Variants in SAMSN1 observed in about 807,000 individuals in gnomAD.
SAMSN1 encodes SAM domain-containing protein SAMSN-1.
SAMSN1 carries 31 observed loss-of-function variants against 42.0 expected under a neutral mutation model. The ratio of observed to expected loss-of-function variants is 0.74; its 90% CI spans 0.55 to 1.00. The LOEUF is 1.00. Ranked by LOEUF, SAMSN1 falls within the 50% of genes least tolerant of loss-of-function variation. SAMSN1 has a pLI of 0.00. For synonymous variants in SAMSN1, 178 were observed against 151.9 expected (o/e 1.17, Z -1.26); for missense variants, 464 against 439.4 (o/e 1.06, Z -0.50).
intron 5 of SAMSN1, among the ~76,000 whole-genome samples, chr21:14,606,703 C>CATT (rs1373425057): frequency 6.6e-6 from 1 of 152,128 alleles, no homozygotes; most frequent in Non-Finnish European, 1.5e-5. Context: ...ATTTATTCTA[C>CATT]ATTATTTTAC....
intron 5 of SAMSN1, among the ~76,000 whole-genome samples, chr21:14,506,947 T>A (rs964281063): frequency 3.9e-5 from 6 of 152,190 alleles, no homozygotes; most frequent in African/African-American, 1.4e-4. Context: ...AAAAATCACA[T>A]GATCATCTCA....
In SAMSN1 at chr21:14,493,079, G is replaced by A. The variant is rs543841357; in HGVS notation, c.919+5363C>T. On this transcript the variant is annotated intron_variant, in intron 7 of 7. Coordinates refer to ENST00000400566, the MANE Select transcript of SAMSN1 (RefSeq NM_022136.5). ...CTGACAGCTCGTGTTCCAGGCTCCTGGCTGCGGCCCGCCATTTGCCCTGCA... is the reference window on the plus strand; with the variant it reads ...CTGACAGCTCGTGTTCCAGGCTCCTAGCTGCGGCCCGCCATTTGCCCTGCA... Among the ~76,000 whole-genome samples the A allele has an allele frequency of 3.9e-5, 6 of 152,306 alleles. No individual in the cohort carries two copies. In the South Asian group the frequency reaches 1.2e-3, roughly 32 times the overall value.
chr21:14,601,946 A>C (rs1982444005), intron 6 of SAMSN1: 1 of 537,706 alleles, frequency 1.9e-6, no homozygotes, highest in Non-Finnish European at 3.5e-6. Flanking sequence ...AGTATTGTAC[A>C]CTATGCCTAA....
chr21:14,507,278 T>A (rs1031872172), intron 5 of SAMSN1, among the ~76,000 whole-genome samples: 2 of 152,158 alleles, frequency 1.3e-5, no homozygotes, highest in Non-Finnish European at 2.9e-5. Flanking sequence ...GATATGATCA[T>A]TTACTTAGAA....
At chr21:14,601,973 G>C in intron 6 of SAMSN1, 1 of 635,240 alleles carries the variant, frequency 1.6e-6, no homozygotes. Flanking sequence ...ACAGAGCTGA[G>C]TAACAAGACG....
intron 2 of SAMSN1, among the ~76,000 whole-genome samples, chr21:14,564,364 C>A (rs143459785): frequency 3.7e-4 from 57 of 152,226 alleles, no homozygotes; most frequent in Admixed American, 7.9e-4. Flanking sequence ...GCAAAATGAG[C>A]AAACATTTAT....
chr21:14,575,638 T>G (rs1164456740), intron 2 of SAMSN1, among the ~76,000 whole-genome samples: 1 of 152,218 alleles, frequency 6.6e-6, no homozygotes, highest in Non-Finnish European at 1.5e-5. Context: ...TGATAGTTCA[T>G]AGTCTACCTT....
At chr21:14,633,398 T>G (rs545762498) in intron 2 of SAMSN1, among the ~76,000 whole-genome samples, 1 of 152,300 alleles carries the variant, frequency 6.6e-6, no homozygotes, top group East Asian at 1.9e-4. Flanking sequence ...TGGAGCCATT[T>G]TAGTGCAGCA....
chr21:14,508,553 A>T (rs534872290), intron 5 of SAMSN1, among the ~76,000 whole-genome samples: 68 of 152,336 alleles, frequency 4.5e-4, no homozygotes, highest in African/African-American at 1.6e-3. Context: ...AAATTAAAAA[A>T]TTGCAGATGT....
At chr21:14,544,322 A>G (rs1393210580) in intron 1 of SAMSN1, among the ~76,000 whole-genome samples, 4 of 152,214 alleles carry the variant, frequency 2.6e-5, no homozygotes, top group Admixed American at 2.6e-4. Context: ...AAGTGCTGGA[A>G]CTACAGGTGT....
chr21:14,578,519 C>T (rs982985543), intron 2 of SAMSN1, among the ~76,000 whole-genome samples: 1 of 151,744 alleles, frequency 6.6e-6, no homozygotes, highest in Admixed American at 6.6e-5. Flanking sequence ...CCCATCTCTA[C>T]TAAAAATACA....
intron 1 of SAMSN1, among the ~76,000 whole-genome samples, chr21:14,524,659 A>G (rs1427582139): frequency 1.3e-5 from 2 of 152,188 alleles, no homozygotes; most frequent in African/African-American, 2.4e-5. Flanking sequence ...ACATTTCCAT[A>G]TTCACTGTAG....
intron 1 of SAMSN1, 120 bp downstream of exon 1, chr21:14,546,085 A>T: frequency 1.2e-6 from 1 of 836,342 alleles, no homozygotes; most frequent in Non-Finnish European, 1.8e-6. Context: ...ATGAGGCATT[A>T]AACCCTATGT....
At chr21:14,643,656 G>T (rs1178800577) in intron 1 of SAMSN1, among the ~76,000 whole-genome samples, 1 of 151,746 alleles carries the variant, frequency 6.6e-6, no homozygotes, top group Non-Finnish European at 1.5e-5. Context: ...TCCACAATAA[G>T]GACACCAAGT....
intron 4 of SAMSN1, 145 bp from the exon 5 acceptor site, chr21:14,510,606 C>G: frequency 1.1e-6 from 1 of 884,324 alleles, no homozygotes; most frequent in Non-Finnish European, 1.7e-6. Flanking sequence ...TGGTGTCTGT[C>G]TTCCAGTTAC....
intron 2 of SAMSN1, among the ~76,000 whole-genome samples, chr21:14,641,967 T>C (rs1018270075): frequency 3.7e-4 from 57 of 152,318 alleles, no homozygotes; most frequent in African/African-American, 1.3e-3. Context: ...ATGTTATATG[T>C]ATTATATACT....
chr21:14,533,755 T>C (rs1196873684), intron 1 of SAMSN1, among the ~76,000 whole-genome samples: 1 of 152,202 alleles, frequency 6.6e-6, no homozygotes, highest in Non-Finnish European at 1.5e-5. Context: ...ATCAAAAAAT[T>C]GTTTCCCCTG....
At chr21:14,565,790 A>G (rs1981100245) in intron 2 of SAMSN1, among the ~76,000 whole-genome samples, 1 of 152,152 alleles carries the variant, frequency 6.6e-6, no homozygotes, top group Non-Finnish European at 1.5e-5. Context: ...AAACTTCTCA[A>G]CATCACAATG....
intron 2 of SAMSN1, 71 bp downstream of exon 2, chr21:14,521,079 A>T (rs1978433444): frequency 1.0e-6 from 1 of 955,380 alleles, no homozygotes; most frequent in African/African-American, 1.7e-5. Context: ...ACTTTGCAAA[A>T]GTGACATTGT....
Sources: gnomAD v4.1 joint callset for allele counts (sites outside exome capture counted in the v4.1 genomes callset) on GRCh38, gnomAD v4.1.1 for gene constraint, MANE v1.5 for transcripts, NCBI Gene and HGNC (gene_info 2026-07-23, HGNC 2026-07-21) for gene names.